The following ANO4 variants were observed in gnomAD, a reference collection of about 807,000 sequenced individuals.
ANO4 encodes the protein anoctamin-4.
ANO4 carries 69 observed loss-of-function variants against 141.9 expected under a neutral mutation model. The ratio of observed to expected loss-of-function variants is 0.49; its 90% CI spans 0.40 to 0.59. ANO4 has a LOEUF of 0.59. Ranked by LOEUF, ANO4 falls within the 20% of genes least tolerant of loss-of-function variation. ANO4 has a pLI of 0.00. For synonymous variants in ANO4, 350 were observed against 394.3 expected (o/e 0.89, Z 1.33); for missense variants, 894 against 1,162.2 (o/e 0.77, Z 3.36).
At position 100,999,777 on chromosome 12, in the gene ANO4, G is replaced by T. The variant is rs1369133491; in HGVS notation, c.734+12107G>T. On this transcript the variant is annotated intron_variant, in intron 8 of 27. Coordinates refer to ENST00000392977, the MANE Select transcript of ANO4 (RefSeq NM_001286615.2). ...AAAAGACTTAGGGCCTGGCGCGATG[G>T]CTCACACCTGTAACCCCAGCAATTT... 2.0e-5 allele frequency among the ~76,000 whole-genome samples: 3 copies of T among 152,064 alleles called. No individual in the cohort carries two copies. The East Asian group carries it at 5.8e-4, about 29-fold the overall frequency.
At chr12:101,078,948 A>G (rs1343772007) in intron 14 of ANO4, among the ~76,000 whole-genome samples, 1 of 152,224 alleles carries the variant, frequency 6.6e-6, no homozygotes, top group African/African-American at 2.4e-5. Flanking sequence ...TTCTGCCTCA[A>G]CTTGTAAATC....
At chr12:100,790,960 T>G (rs2034026052), upstream of ANO4, among the ~76,000 whole-genome samples, 1 of 152,248 alleles carries the variant, frequency 6.6e-6, no homozygotes, top group Non-Finnish European at 1.5e-5. Context: ...TGAAGGATAA[T>G]TAGGATTTTA....
intron 7 of ANO4, among the ~76,000 whole-genome samples, chr12:100,975,427 C>CTTTTT (rs201688045): frequency 7.2e-6 from 1 of 139,812 alleles, no homozygotes; most frequent in Admixed American, 7.3e-5. Context: ...TTCTTTCTTT[C>CTTTTT]TTTTTTTTTT....
chr12:100,742,316 A>G (rs1356580888), intron 3 of ANO4, among the ~76,000 whole-genome samples: 1 of 152,086 alleles, frequency 6.6e-6, no homozygotes, highest in Non-Finnish European at 1.5e-5. Context: ...TTTAATATGT[A>G]TTTTTGTGTG....
chr12:101,063,745 C>CTTTTTTTTTTTTTT lies in ANO4; in HGVS notation c.1312+15364_1312+15377dup. Among the ~76,000 whole-genome samples, 54 of 24,800 alleles carry CTTTTTTTTTTTTTT rather than the reference C, an allele frequency of 2.2e-3. 8 individuals carry two copies. The highest frequency in any genetic ancestry group is 3.1e-3 in the South Asian group (1 of 326). The allele number at this position is 24,800 out of a possible 152,430, so 16.3% of individuals were successfully genotyped here. Reference sequence around the variant, plus strand: ...ATGGATGGAAGGTTGTCCAGGTTATCTTTTTTTTTTTTTTTTTTTTTTTTT... The same window carrying CTTTTTTTTTTTTTT: ...ATGGATGGAAGGTTGTCCAGGTTATCTTTTTTTTTTTTTTTTTTTTTTTTTTTTTTTTTTTTTTT... On this transcript the variant is annotated intron_variant, in intron 14 of 27. Coordinates refer to ENST00000392977, the MANE Select transcript of ANO4 (RefSeq NM_001286615.2).
intron 15 of ANO4, among the ~76,000 whole-genome samples, chr12:101,083,176 G>T (rs889371112): frequency 2.6e-5 from 4 of 151,966 alleles, no homozygotes; most frequent in Non-Finnish European, 5.9e-5. Context: ...TGTTTTTAGT[G>T]AACTAAACCT....
chr12:100,888,542 A>C (rs1427380102), intron 1 of ANO4, among the ~76,000 whole-genome samples: 1 of 152,258 alleles, frequency 6.6e-6, no homozygotes, highest in African/African-American at 2.4e-5. Flanking sequence ...AAGTATTCAC[A>C]CAGGAAGGGA....
chr12:100,803,219 A>G (rs549619378), intron 1 of ANO4, among the ~76,000 whole-genome samples: 211 of 152,132 alleles, frequency 1.4e-3, no homozygotes, highest in African/African-American at 4.9e-3. Context: ...GGGAACTCCA[A>G]CCCCGGGAGC....
chr12:100,949,415 G>A (rs1484018149), intron 5 of ANO4, among the ~76,000 whole-genome samples: 1 of 152,158 alleles, frequency 6.6e-6, no homozygotes, highest in African/African-American at 2.4e-5. Context: ...TAACTTATCT[G>A]CAAAATGAGG....
At chr12:100,987,269 T>C in intron 7 of ANO4, 1 of 379,246 alleles carries the variant, frequency 2.6e-6, no homozygotes, top group Non-Finnish European at 4.9e-6. Context: ...TAGGACTGCT[T>C]GGTCATTTAT....
At chr12:100,981,018 C>T (rs79629858) in intron 7 of ANO4, among the ~76,000 whole-genome samples, 1,677 of 152,256 alleles carry the variant, frequency 0.011, 15 homozygotes, top group Non-Finnish European at 0.018. Context: ...CTTCCACCCC[C>T]CATATGCATT....
chr12:101,004,788 A>G (rs1198341198), intron 8 of ANO4, among the ~76,000 whole-genome samples: 2 of 152,180 alleles, frequency 1.3e-5, no homozygotes, highest in Non-Finnish European at 2.9e-5. Context: ...ACACCCCATT[A>G]TGAATAGTTT....
At chr12:101,095,321 AACTGCC>A (rs1042629619) in intron 18 of ANO4, among the ~76,000 whole-genome samples, 1 of 152,164 alleles carries the variant, frequency 6.6e-6, no homozygotes, top group African/African-American at 2.4e-5. Context: ...TGGAAGAGGT[AACTGCC>A]CATTGGTAGA....
chr12:100,800,838 G>A (rs1003095460), intron 1 of ANO4, among the ~76,000 whole-genome samples: 6 of 152,172 alleles, frequency 3.9e-5, no homozygotes, highest in African/African-American at 1.4e-4. Context: ...GAAGTTCCAT[G>A]GAATGCTCTA....
At chr12:100,941,539 T>G (rs990930599) in intron 4 of ANO4, among the ~76,000 whole-genome samples, 1 of 152,208 alleles carries the variant, frequency 6.6e-6, no homozygotes, top group African/African-American at 2.4e-5. Context: ...CTGTATAATA[T>G]TCCAGTGAAT....
chr12:100,771,600 T>C (rs1354779865), intron 3 of ANO4, among the ~76,000 whole-genome samples: 1 of 152,030 alleles, frequency 6.6e-6, no homozygotes, highest in African/African-American at 2.4e-5. Context: ...ATTTCTGCAG[T>C]TTTATGGACC....
intron 3 of ANO4, among the ~76,000 whole-genome samples, chr12:100,780,313 A>T (rs1593317555): frequency 6.6e-6 from 1 of 152,214 alleles, no homozygotes. Context: ...AAAGAAAGCA[A>T]GTTTATTAGA....
intron 8 of ANO4, among the ~76,000 whole-genome samples, chr12:100,987,886 C>G (rs541274929): frequency 9.9e-5 from 15 of 152,242 alleles, no homozygotes; most frequent in Admixed American, 9.2e-4. Context: ...TAAGATGATA[C>G]AATGCTTGCT....
intron 4 of ANO4, 26 bp from the exon 5 acceptor site, chr12:100,942,351 A>T: frequency 6.2e-7 from 1 of 1,605,120 alleles, no homozygotes; most frequent in Non-Finnish European, 8.5e-7. Flanking sequence ...AATGACTTAA[A>T]CTGGTCCCTT....
Sources: allele counts gnomAD v4.1 joint callset (sites outside exome capture counted in the v4.1 genomes callset), GRCh38; gene constraint gnomAD v4.1.1; transcripts MANE v1.5; gene names NCBI Gene and HGNC (gene_info 2026-07-23, HGNC 2026-07-21).